The following OTUD7A variants were observed in gnomAD, a reference collection of about 807,000 sequenced individuals.
OTUD7A encodes the protein OTU deubiquitinase 7A, also known as OTU domain-containing protein 7A.
A neutral mutation model predicts 65.7 loss-of-function variants in OTUD7A; 12 were observed. That is an observed-to-expected ratio of 0.18 (90% CI 0.12 to 0.30). OTUD7A has a LOEUF of 0.30. Among genes scored for constraint, OTUD7A ranks in the 10% least tolerant of loss-of-function variants. OTUD7A has a pLI of 1.00. For missense variants in OTUD7A, 1,148 were observed against 1,304.8 expected, an observed-to-expected ratio of 0.88 and a Z score of 1.85; for synonymous variants, 641 against 586.3, an observed-to-expected ratio of 1.09 and a Z score of -1.35.
At chr15:31,521,654 G>A (rs2041939136) in intron 8 of OTUD7A, among the ~76,000 whole-genome samples, 1 of 152,190 alleles carries the variant, frequency 6.6e-6, no homozygotes. Context: ...CTCTCAGACT[G>A]TGTGCTAGGA....
intron 4 of OTUD7A, among the ~76,000 whole-genome samples, chr15:31,563,994 TGGCCAGGA>T (rs1269536015): frequency 1.3e-5 from 2 of 152,112 alleles, no homozygotes; most frequent in Non-Finnish European, 2.9e-5. Flanking sequence ...AACAAAGTAC[TGGCCAGGA>T]GGACTAGATT....
At chr15:31,812,444 G>T (rs906058229) in intron 1 of OTUD7A, among the ~76,000 whole-genome samples, 2 of 152,190 alleles carry the variant, frequency 1.3e-5, no homozygotes, top group Admixed American at 1.3e-4. Flanking sequence ...CTTGCTGGAG[G>T]AGAGAAGAAA....
chr15:31,837,976 C>T (rs1444568887), intron 1 of OTUD7A, among the ~76,000 whole-genome samples: 1 of 152,182 alleles, frequency 6.6e-6, no homozygotes, highest in African/African-American at 2.4e-5. Context: ...TAGATCCATA[C>T]AAGTACAGCC....
intron 5 of OTUD7A, among the ~76,000 whole-genome samples, chr15:31,554,207 G>GC: frequency 6.6e-6 from 1 of 152,172 alleles, no homozygotes; most frequent in East Asian, 1.9e-4. Context: ...AGCCTCTGAG[G>GC]CCCCACTTCA....
intron 5 of OTUD7A, among the ~76,000 whole-genome samples, chr15:31,541,020 G>A (rs758447912): frequency 4.6e-5 from 7 of 152,150 alleles, no homozygotes; most frequent in Non-Finnish European, 8.8e-5. Context: ...AGAAGCATAG[G>A]GAGACAGTGA....
intron 3 of OTUD7A, among the ~76,000 whole-genome samples, chr15:31,642,513 C>T (rs1015186151): frequency 3.9e-5 from 6 of 152,034 alleles, no homozygotes; most frequent in African/African-American, 7.2e-5. Flanking sequence ...GCTATAGATG[C>T]TTGCAGTTAT....
intron 1 of OTUD7A, among the ~76,000 whole-genome samples, chr15:31,793,288 C>G (rs1340344180): frequency 2.0e-5 from 3 of 152,158 alleles, no homozygotes; most frequent in African/African-American, 7.2e-5. Context: ...AACTGATGCC[C>G]TCCTGGGTTA....
chr15:31,796,587 G>A (rs1244473184), intron 1 of OTUD7A, among the ~76,000 whole-genome samples: 1 of 152,224 alleles, frequency 6.6e-6, no homozygotes, highest in Non-Finnish European at 1.5e-5. Context: ...GGTCTAGCCA[G>A]ATTGAAACAA....
At chr15:31,837,926 C>G (rs1221257090) in intron 1 of OTUD7A, among the ~76,000 whole-genome samples, 1 of 152,218 alleles carries the variant, frequency 6.6e-6, no homozygotes, top group Non-Finnish European at 1.5e-5. Context: ...GGTAGAGGAA[C>G]AGACACATAG....
Position 31,487,719 on chromosome 15 carries a change from T to C in OTUD7A, c.1172-153A>G, listed in dbSNP as rs2041258776. 1.3e-5 allele frequency among the ~76,000 whole-genome samples: 2 copies of C among 152,162 alleles called. No individual in the cohort carries two copies. Among genetic ancestry groups the C allele is most frequent in the Admixed American group, 6.5e-5 (1 of 15,288 alleles). On this transcript the variant is annotated intron_variant, in intron 10 of 12. Transcript: ENST00000307050. The surrounding 1 kb of genome is among the most constrained non-coding windows in gnomAD (Gnocchi z 6.0). ...GCAGGAGCATGAAGACCAAAACCAC[T>C]ATTGCTAGTTTTTAAAATTTCGTAT...
chr15:31,561,637 T>G (rs1390225670), intron 4 of OTUD7A, among the ~76,000 whole-genome samples: 1 of 152,104 alleles, frequency 6.6e-6, no homozygotes, highest in Non-Finnish European at 1.5e-5. Context: ...TATTTGGAGT[T>G]TGAGGGAAAA....
At chr15:31,579,446 G>A (rs567132477) in intron 3 of OTUD7A, among the ~76,000 whole-genome samples, 1 of 152,258 alleles carries the variant, frequency 6.6e-6, no homozygotes, top group African/African-American at 2.4e-5. Flanking sequence ...CAGAATAGCT[G>A]ATCTGATAAC....
chr15:31,593,528 T>G (rs1889813742), intron 3 of OTUD7A, among the ~76,000 whole-genome samples: 1 of 152,062 alleles, frequency 6.6e-6, no homozygotes, highest in Non-Finnish European at 1.5e-5. Context: ...CAACTGGATA[T>G]GTAAAAACTT....
At chr15:31,548,356 C>T (rs1469028184) in intron 5 of OTUD7A, among the ~76,000 whole-genome samples, 1 of 152,090 alleles carries the variant, frequency 6.6e-6, no homozygotes, top group Non-Finnish European at 1.5e-5. Flanking sequence ...TGGAGATTTT[C>T]TCTGGTATTG....
chr15:31,859,383 A>G (rs571713304), intron 1 of OTUD7A, among the ~76,000 whole-genome samples: 4 of 152,350 alleles, frequency 2.6e-5, no homozygotes, highest in African/African-American at 9.6e-5. Context: ...TCTATAATAC[A>G]TTGTTATTAA....
At chr15:31,488,385 G>C (rs1230417932) in intron 10 of OTUD7A, among the ~76,000 whole-genome samples, 1 of 152,164 alleles carries the variant, frequency 6.6e-6, no homozygotes, top group Non-Finnish European at 1.5e-5. Context: ...ACAGGTTTGG[G>C]ATCTTCTAGG....
chr15:31,761,670 G>T (rs1894967596), intron 1 of OTUD7A, among the ~76,000 whole-genome samples: 1 of 152,082 alleles, frequency 6.6e-6, no homozygotes, highest in African/African-American at 2.4e-5. Context: ...TCTACTCCTA[G>T]GTATATACCA....
intron 1 of OTUD7A, among the ~76,000 whole-genome samples, chr15:31,711,792 A>T (rs1893453863): frequency 6.7e-6 from 1 of 148,642 alleles, no homozygotes. Flanking sequence ...TGTTTGTGTC[A>T]TCTCAGATTA....
At chr15:31,748,585 T>C (rs1595743551) in intron 1 of OTUD7A, among the ~76,000 whole-genome samples, 1 of 152,112 alleles carries the variant, frequency 6.6e-6, no homozygotes, top group Non-Finnish European at 1.5e-5. Flanking sequence ...TGGAAGTAGA[T>C]CAAAATAAAA....
Sources: allele counts gnomAD v4.1 joint callset (sites outside exome capture counted in the v4.1 genomes callset), GRCh38; gene constraint gnomAD v4.1.1; non-coding constraint Gnocchi (gnomAD v3.1); transcripts MANE v1.5; gene names NCBI Gene and HGNC (gene_info 2026-07-23, HGNC 2026-07-21).